The following MYOZ2 variants were observed in gnomAD, a reference collection of about 807,000 sequenced individuals.
The protein encoded by MYOZ2 is myozenin 2.
In MYOZ2, 19 loss-of-function variants were observed where a neutral mutation model predicts 25.4. The observed-to-expected ratio is 0.75, with a 90% CI of 0.52 to 1.10. The LOEUF is 1.10. Among genes scored for constraint, MYOZ2 ranks in the 50% least tolerant of loss-of-function variants. The pLI, the probability that MYOZ2 is intolerant of heterozygous loss-of-function variation, is 0.00. For synonymous variants in MYOZ2, 92 were observed against 106.9 expected, an observed-to-expected ratio of 0.86 and a Z score of 0.86; for missense variants, 270 against 317.9, an observed-to-expected ratio of 0.85 and a Z score of 1.15.
chr4:119,164,733 C>A, intron 5 of MYOZ2, among the ~76,000 whole-genome samples: 1 of 151,936 alleles, frequency 6.6e-6, no homozygotes, highest in East Asian at 1.9e-4. Context: ...TTTCAAATGG[C>A]AATACTGTTC....
intron 5 of MYOZ2, among the ~76,000 whole-genome samples, chr4:119,185,539 T>A (rs950936535): frequency 6.6e-6 from 1 of 152,176 alleles, no homozygotes; most frequent in Non-Finnish European, 1.5e-5. Context: ...GATCTTGAAC[T>A]CCTGACCTCA....
At chr4:119,160,066 A>G (rs1306626687) in intron 4 of MYOZ2, among the ~76,000 whole-genome samples, 2 of 152,210 alleles carry the variant, frequency 1.3e-5, no homozygotes, top group African/African-American at 4.8e-5. Flanking sequence ...TTTTACTACC[A>G]TGCTGGGAAA....
chr4:119,163,562 C>T (rs1741753586), intron 4 of MYOZ2, among the ~76,000 whole-genome samples: 1 of 152,072 alleles, frequency 6.6e-6, no homozygotes, highest in South Asian at 2.1e-4. Flanking sequence ...GAAGAATAAA[C>T]TGGGGAGGTG....
rs1320974504 is a variant in MYOZ2 at position 119,187,224 on chromosome 4, A to G, written c.*1024A>G. 2.0e-5 allele frequency: 3 copies of G among 152,200 alleles called. No homozygotes were observed. The highest frequency in any genetic ancestry group is 2.0e-4 in the Admixed American group (3 of 15,280). 9.4% of individuals were successfully genotyped at this position (152,200 alleles called of 1,614,324 possible). Reference sequence around the variant, plus strand: ...ATTGACATAAAAGACACAAACTAATATAAAGTTATAGTTATATCTTAAAAT... The same window carrying G: ...ATTGACATAAAAGACACAAACTAATGTAAAGTTATAGTTATATCTTAAAAT... On this transcript the variant is annotated 3_prime_UTR_variant, in exon 6 of 6. Transcript: ENST00000307128.
chr4:119,153,695 T>A (rs1463223343), intron 3 of MYOZ2, among the ~76,000 whole-genome samples: 1 of 152,130 alleles, frequency 6.6e-6, no homozygotes, highest in Admixed American at 6.5e-5. Context: ...CCCCTGGTAA[T>A]TAATGCCATT....
chr4:119,147,996 G>A (rs4391012), intron 2 of MYOZ2, among the ~76,000 whole-genome samples: 89,640 of 151,864 alleles, frequency 0.59, 28,752 homozygotes, highest in Non-Finnish European at 0.72. Context: ...TCTGTTTTAA[G>A]AAAACTTCAT....
At chr4:119,158,471 A>T (rs1039863742) in intron 4 of MYOZ2, among the ~76,000 whole-genome samples, 1 of 152,114 alleles carries the variant, frequency 6.6e-6, no homozygotes, top group African/African-American at 2.4e-5. Context: ...TAGGAGGATC[A>T]TTTGAGCCCA....
At chr4:119,176,817 G>A (rs1050623742) in intron 5 of MYOZ2, among the ~76,000 whole-genome samples, 15 of 152,160 alleles carry the variant, frequency 9.9e-5, no homozygotes, top group Non-Finnish European at 2.9e-5. Context: ...TATGTATCAG[G>A]CACGGTTTTA....
intron 3 of MYOZ2, among the ~76,000 whole-genome samples, chr4:119,154,165 C>T (rs974959613): frequency 9.9e-5 from 15 of 152,032 alleles, no homozygotes; most frequent in African/African-American, 3.6e-4. Context: ...TAACTTCTAC[C>T]ATGTATGTGG....
chr4:119,170,602 A>G (rs1421700109), intron 5 of MYOZ2, among the ~76,000 whole-genome samples: 3 of 152,176 alleles, frequency 2.0e-5, no homozygotes, highest in Admixed American at 1.3e-4. Flanking sequence ...TGAAGAGAGA[A>G]TTGCTAAATT....
chr4:119,166,979 ACAATATTGAAATTAAG>A (rs1199931024), intron 5 of MYOZ2, among the ~76,000 whole-genome samples: 1 of 152,188 alleles, frequency 6.6e-6, no homozygotes, highest in Non-Finnish European at 1.5e-5. Flanking sequence ...CTGAGACACA[ACAATATTGAAATTAAG>A]CCAATTAATA....
chr4:119,140,387 A>G (rs1741137272), intron 2 of MYOZ2, among the ~76,000 whole-genome samples: 1 of 152,236 alleles, frequency 6.6e-6, no homozygotes, highest in Admixed American at 6.5e-5. Context: ...TATCAAATAT[A>G]TAAAGTTTAT....
chr4:119,165,344 C>T (rs1057181953), intron 5 of MYOZ2, among the ~76,000 whole-genome samples: 6 of 151,086 alleles, frequency 4.0e-5, no homozygotes, highest in African/African-American at 1.5e-4. Flanking sequence ...AACCCTGTCT[C>T]TACAAAAAAT....
chr4:119,180,858 T>C (rs1005709166), intron 5 of MYOZ2, among the ~76,000 whole-genome samples: 2 of 152,194 alleles, frequency 1.3e-5, no homozygotes, highest in African/African-American at 4.8e-5. Context: ...GCCCAGCCTA[T>C]GACCACATTT....
At chr4:119,174,209 G>A (rs1211671243) in intron 5 of MYOZ2, among the ~76,000 whole-genome samples, 2 of 152,256 alleles carry the variant, frequency 1.3e-5, no homozygotes, top group Admixed American at 1.3e-4. Context: ...TCCACCTGCA[G>A]CCCTGGTGCG....
chr4:119,184,043 G>A (rs890579042), intron 5 of MYOZ2, among the ~76,000 whole-genome samples: 2 of 151,974 alleles, frequency 1.3e-5, no homozygotes, highest in African/African-American at 4.8e-5. Flanking sequence ...TCGAACTCCC[G>A]ACCTCAGGTG....
intron 5 of MYOZ2, among the ~76,000 whole-genome samples, chr4:119,175,751 TA>T (rs557358945): frequency 0.072 from 10,283 of 142,720 alleles, 357 homozygotes; most frequent in African/African-American, 0.087. Flanking sequence ...GGCTCCATCT[TA>T]AAAAAAAAAA....
chr4:119,136,594 T>C lies in MYOZ2; in HGVS notation c.69T>C (p.His23=). 6.2e-7 allele frequency: 1 copy of C among 1,613,062 alleles called. No individual in the cohort carries two copies. The highest frequency in any genetic ancestry group is 8.5e-7 in the Non-Finnish European group (1 of 1,179,214). Residue 23 remains histidine (H), a synonymous_variant, in exon 2 of 6, where the codon CAT becomes CAC. Transcript: ENST00000307128. Reference sequence around the variant, plus strand: ...CAACAGCCATCATGAAGGAAGTCCATGGAAATGGTATCAATAAAAATCCTT... The same window carrying C: ...CAACAGCCATCATGAAGGAAGTCCACGGAAATGGTATCAATAAAAATCCTT... The part of the protein sequence containing the change: ...QQATAIMKEV[H]GNDVDGMDLG...
chr4:119,185,216 C>T (rs191388118), intron 5 of MYOZ2, among the ~76,000 whole-genome samples: 2 of 151,526 alleles, frequency 1.3e-5, no homozygotes, highest in East Asian at 3.9e-4. Context: ...TGCTATATCA[C>T]CCACGCTGGT....
Sources: allele counts gnomAD v4.1 joint callset (sites outside exome capture counted in the v4.1 genomes callset), GRCh38; gene constraint gnomAD v4.1.1; transcripts MANE v1.5; gene names NCBI Gene and HGNC (gene_info 2026-07-23, HGNC 2026-07-21).